TRAM1: variants seen among roughly 807,000 people sequenced by gnomAD.
TRAM1 encodes translocation associated membrane protein 1.
A neutral mutation model predicts 48.7 loss-of-function variants in TRAM1; 17 were observed. The observed-to-expected ratio is 0.35, with a 90% CI of 0.24 to 0.52. The LOEUF (loss-of-function observed/expected upper bound fraction) is 0.52. TRAM1 is among the 20% of genes least tolerant of loss of function. The pLI, the probability that TRAM1 is intolerant of heterozygous loss-of-function variation, is 0.94. For synonymous variants in TRAM1, 182 were observed against 154.0 expected (o/e 1.18, Z -1.34); for missense variants, 351 against 441.5 (o/e 0.79, Z 1.84).
chr8:70,583,397 T>C (rs1170784645), intron 9 of TRAM1, 73 bp from the exon 10 acceptor site: 10 of 1,461,508 alleles, frequency 6.8e-6, no homozygotes, highest in South Asian at 2.7e-5. Context: ...TCATCTTTCA[T>C]AGTATTTAGT....
intron 1 of TRAM1, among the ~76,000 whole-genome samples, chr8:70,605,021 G>A (rs1262244312): frequency 6.6e-6 from 1 of 152,146 alleles, no homozygotes; most frequent in Non-Finnish European, 1.5e-5. Flanking sequence ...AGCAATTTTT[G>A]ATTAATGTGA....
Position 70,574,278 on chromosome 8 carries a change from T to TTAAGAATATACTTTGATTTA in TRAM1, c.*634_*653dup. On this transcript the variant is annotated 3_prime_UTR_variant, in exon 11 of 11. Transcript: ENST00000262213. ...GAAAGATTTTACTTCACAAGTACTT[T>TTAAGAATATACTTTGATTTA]TAAGAATATACTTTGATTTAATATG... 2.5e-6 allele frequency: 1 copy of TTAAGAATATACTTTGATTTA among 404,944 alleles called. No individual in the cohort carries two copies. The highest frequency in any genetic ancestry group is 4.7e-6 in the Non-Finnish European group (1 of 210,622). 25.1% of individuals were successfully genotyped at this position (404,944 alleles called of 1,614,324 possible). A position where few individuals can be genotyped will look rare whatever the true frequency, so the allele number is the denominator to read the frequency against.
rs1816908253 is a variant in TRAM1 at position 70,574,735 on chromosome 8, T to C, written c.*197A>G. On this transcript the variant is annotated 3_prime_UTR_variant, in exon 11 of 11. Transcript: ENST00000262213. ...ACTATTTTGAAGGCAGGTAGCTTAG[T>C]CTAAGCTAAAATATTTTTTTCATTC... is the stretch of plus-strand genomic sequence containing the variant. The C allele has an allele frequency of 2.1e-6, 1 of 471,750 alleles. No homozygotes were observed. Among genetic ancestry groups the C allele is most frequent in the East Asian group, 3.9e-5 (1 of 25,520 alleles). The allele number at this position is 471,750 out of a possible 1,614,324, so 29.2% of individuals were successfully genotyped here.
chr8:70,577,050 G>T (rs919038966), intron 10 of TRAM1, among the ~76,000 whole-genome samples: 7 of 152,168 alleles, frequency 4.6e-5, no homozygotes, highest in Non-Finnish European at 1.5e-5. Flanking sequence ...GCGAGCAGGG[G>T]GACATATTTC....
chr8:70,586,667 G>A (rs1293844280), intron 8 of TRAM1, among the ~76,000 whole-genome samples: 1 of 152,064 alleles, frequency 6.6e-6, no homozygotes, highest in Non-Finnish European at 1.5e-5. Flanking sequence ...GTAAACCCAA[G>A]AAGCCTTCAA....
intron 6 of TRAM1, among the ~76,000 whole-genome samples, chr8:70,594,162 T>C (rs1817428987): frequency 6.6e-6 from 1 of 152,156 alleles, no homozygotes; most frequent in Admixed American, 6.5e-5. Flanking sequence ...GTGAAATAAT[T>C]TGCTAAGAAT....
At chr8:70,578,731 C>T (rs1273295308) in intron 10 of TRAM1, among the ~76,000 whole-genome samples, 1 of 152,206 alleles carries the variant, frequency 6.6e-6, no homozygotes, top group Non-Finnish European at 1.5e-5. Context: ...GACAAATCTG[C>T]CCAACACTTT....
chr8:70,589,364 C>T (rs1817299025), intron 6 of TRAM1, among the ~76,000 whole-genome samples: 1 of 152,088 alleles, frequency 6.6e-6, no homozygotes, highest in Admixed American at 6.6e-5. Context: ...ACAAGGGAAC[C>T]TCTCTTCTCC....
intron 10 of TRAM1, among the ~76,000 whole-genome samples, chr8:70,579,216 T>C (rs895181246): frequency 6.6e-6 from 1 of 152,230 alleles, no homozygotes; most frequent in African/African-American, 2.4e-5. Flanking sequence ...CCAGGCTATA[T>C]GGTATAGCCT....
intron 1 of TRAM1, among the ~76,000 whole-genome samples, chr8:70,606,369 AATC>A (rs1176679369): frequency 1.3e-5 from 2 of 152,118 alleles, no homozygotes; most frequent in African/African-American, 4.8e-5. Context: ...ATTTTTAAAA[AATC>A]ATTTGTAGAG....
At chr8:70,578,014 A>G (rs895552989) in intron 10 of TRAM1, among the ~76,000 whole-genome samples, 7 of 151,990 alleles carry the variant, frequency 4.6e-5, no homozygotes, top group African/African-American at 1.7e-4. Flanking sequence ...TTGCCCACAC[A>G]CCCCCTGCTG....
At position 70,574,693 on chromosome 8, in the gene TRAM1, A is replaced by ATGG. The variant is rs1816907172; in HGVS notation, c.*236_*238dup. ...TTCAAAAATAAAAACAAAATAAAAT[A>ATGG]TGGTGGTGGTCCCTAAACTATTTTG... On this transcript the variant is annotated 3_prime_UTR_variant, in exon 11 of 11. Coordinates refer to ENST00000262213, the MANE Select transcript of TRAM1 (RefSeq NM_014294.6). 2.9e-6 allele frequency: 1 copy of ATGG among 350,304 alleles called. No individual in the cohort carries two copies. Among genetic ancestry groups the ATGG allele is most frequent in the Admixed American group, 4.8e-5 (1 of 20,848 alleles). The allele number at this position is 350,304 out of a possible 1,614,324, so 21.7% of individuals were successfully genotyped here. A position where few individuals can be genotyped will look rare whatever the true frequency, so the allele number is the denominator to read the frequency against.
intron 8 of TRAM1, 136 bp from the exon 9 acceptor site, chr8:70,583,929 C>A: frequency 3.0e-6 from 3 of 988,566 alleles, no homozygotes; most frequent in Non-Finnish European, 4.2e-6. Flanking sequence ...AGGAGAATTG[C>A]TTGAAACCAG....
chr8:70,582,386 C>T (rs1817098362), intron 10 of TRAM1, among the ~76,000 whole-genome samples: 1 of 150,810 alleles, frequency 6.6e-6, no homozygotes, highest in Non-Finnish European at 1.5e-5. Flanking sequence ...CCTTGAACTC[C>T]TGGGTTCAAG....
In TRAM1 at chr8:70,600,070, C is replaced by G. The variant is rs765404667; in HGVS notation, c.136G>C (p.Ala46Pro). Residue 46 changes from alanine to proline, a missense_variant, in exon 2 of 11, where the codon GCT becomes CCT. Physicochemically the swap from Ala to Pro is conservative, Grantham distance 27. Transcript: ENST00000262213. ...TGAAGAGTAACAAAAATGATAGAAG[C>G]TTTTGCCGTTATCTACAAAGAAGGA... ...LGLMFEITAK[A>P]SIIFVTLQYN... The G allele has an allele frequency of 6.2e-6, 10 of 1,613,724 alleles. No individual in the cohort carries two copies. Among genetic ancestry groups the G allele is most frequent in the Non-Finnish European group, 8.5e-6 (10 of 1,179,724 alleles).
rs955627616 is a variant in TRAM1, at chr8:70,574,250, C to A, written c.*682G>T. 4.8e-6 allele frequency: 2 copies of A among 412,382 alleles called. No homozygotes were observed. Among genetic ancestry groups the A allele is most frequent in the Non-Finnish European group, 4.7e-6 (1 of 213,524 alleles). 25.5% of individuals were successfully genotyped at this position (412,382 alleles called of 1,614,324 possible). On this transcript the variant is annotated 3_prime_UTR_variant, in exon 11 of 11. Transcript: ENST00000262213. ...CCAGTTTACAAGTATTGAAAATGCA[C>A]AAGAAAGATTTTACTTCACAAGTAC...
At chr8:70,584,381 G>A (rs938398427) in intron 8 of TRAM1, among the ~76,000 whole-genome samples, 4 of 152,186 alleles carry the variant, frequency 2.6e-5, no homozygotes, top group African/African-American at 9.7e-5. Flanking sequence ...ACAAGACAGG[G>A]ATGGCCTCTC....
At chr8:70,591,925 A>G (rs1255513031) in intron 6 of TRAM1, among the ~76,000 whole-genome samples, 2 of 152,238 alleles carry the variant, frequency 1.3e-5, no homozygotes, top group Non-Finnish European at 2.9e-5. Context: ...CAGATTAAAA[A>G]AAAGTGGTTC....
At chr8:70,607,450 C>A in intron 1 of TRAM1, 1 of 985,502 alleles carries the variant, frequency 1.0e-6, no homozygotes, top group Non-Finnish European at 1.2e-6. Context: ...ATCTGGCGCG[C>A]CTCCACTGCG....
Sources: gnomAD v4.1 joint callset for allele counts (sites outside exome capture counted in the v4.1 genomes callset) on GRCh38, gnomAD v4.1.1 for gene constraint, MANE v1.5 for transcripts, NCBI Gene and HGNC (gene_info 2026-07-23, HGNC 2026-07-21) for gene names.